Variants in PCDHGA6 observed in about 807,000 individuals in gnomAD.
The protein encoded by PCDHGA6 is protocadherin gamma-A6.
A neutral mutation model predicts 60.6 loss-of-function variants in PCDHGA6; 41 were observed. The observed-to-expected ratio is 0.68, with a 90% CI of 0.53 to 0.88. The LOEUF (loss-of-function observed/expected upper bound fraction) is 0.88, where lower values mean the gene tolerates loss of function less well. Among genes scored for constraint, PCDHGA6 ranks in the 40% least tolerant of loss-of-function variants. The pLI, the probability that PCDHGA6 is intolerant of heterozygous loss-of-function variation, is 0.00. For missense variants in PCDHGA6, 1,312 were observed against 1,203.0 expected (o/e 1.09, Z -1.34); for synonymous variants, 594 against 524.4 (o/e 1.13, Z -1.81).
chr5:141,433,374 T>A (rs948922353), intron 1 of PCDHGA6, among the ~76,000 whole-genome samples: 36 of 150,958 alleles, frequency 2.4e-4, no homozygotes, highest in African/African-American at 8.6e-4. Flanking sequence ...TATCTATCTA[T>A]CTATCTATCT....
At chr5:141,401,296 C>A (rs2094138441) in intron 1 of PCDHGA6, among the ~76,000 whole-genome samples, 1 of 152,104 alleles carries the variant, frequency 6.6e-6, no homozygotes, top group Non-Finnish European at 1.5e-5. Flanking sequence ...GAGCCGAGAT[C>A]ACTCCATTGC....
chr5:141,413,989 G>C, intron 1 of PCDHGA6: 1 of 1,613,400 alleles, frequency 6.2e-7, no homozygotes, highest in East Asian at 2.2e-5. Context: ...CACAGCCACC[G>C]ACAGGGACGA....
intron 1 of PCDHGA6, chr5:141,415,444 T>A (rs770800491): frequency 1.9e-6 from 3 of 1,614,184 alleles, no homozygotes; most frequent in Non-Finnish European, 2.5e-6. Context: ...CCTGCAGACC[T>A]ATTCCCACGA....
rs200491568 is a variant in PCDHGA6, at chr5:141,493,146, G to A, written c.2425-1661G>A. 9.6e-6 allele frequency among the ~76,000 whole-genome samples: 1 copy of A among 104,172 alleles called. No homozygotes were observed. The highest frequency in any genetic ancestry group is 3.1e-5 in the African/African-American group (1 of 32,680). 68.3% of individuals were successfully genotyped at this position (104,172 alleles called of 152,430 possible). A position where few individuals can be genotyped will look rare whatever the true frequency, so the allele number is the denominator to read the frequency against. On this transcript the variant is annotated intron_variant, in intron 1 of 3. Transcript: ENST00000517434. The surrounding 1 kb of genome is among the most constrained non-coding windows in gnomAD (Gnocchi z 4.3). ...AGGACTGTATTTTGAAACACCCCCA[G>A]GTGATTTTGATAGCTGATTGAGAGA... is the stretch of plus-strand genomic sequence containing the variant.
intron 1 of PCDHGA6, among the ~76,000 whole-genome samples, chr5:141,386,783 C>A (rs1254282500): frequency 6.6e-6 from 1 of 152,150 alleles, no homozygotes; most frequent in Non-Finnish European, 1.5e-5. Context: ...AAAAGAAAAT[C>A]TCCTGACCAA....
In PCDHGA6 at chr5:141,489,184, G is replaced by T; in HGVS notation, c.2425-5623G>T. ...TCAGCTGCTGCATTCCAAGCCCTGG[G>T]TCTACCTTGGAGACAGGACAGCACA... On this transcript the variant is annotated intron_variant, in intron 1 of 3. Transcript: ENST00000517434. This position sits in a 1 kb window ranked among gnomAD's most constrained non-coding sequence, Gnocchi z 4.5. 7.8e-7 allele frequency: 1 copy of T among 1,287,330 alleles called. No homozygotes were observed. Among genetic ancestry groups the T allele is most frequent in the Non-Finnish European group, 1.1e-6 (1 of 928,816 alleles). 79.7% of individuals were successfully genotyped at this position (1,287,330 alleles called of 1,614,324 possible).
chr5:141,415,507 A>G, intron 1 of PCDHGA6: 1 of 1,614,156 alleles, frequency 6.2e-7, no homozygotes, highest in Admixed American at 1.7e-5. Context: ...CCCCCAGCCC[A>G]ATTATGCGGA....
At position 141,393,888 on chromosome 5, in the gene PCDHGA6, A is replaced by T. The variant is rs371905513; in HGVS notation, c.2424+17381A>T. 2.5e-6 allele frequency: 4 copies of T among 1,613,898 alleles called. No homozygotes were observed. The highest frequency in any genetic ancestry group is 1.3e-5 in the African/African-American group (1 of 74,932). On this transcript the variant is annotated intron_variant, in intron 1 of 3. Transcript: ENST00000517434. ...GTCTTTGTTTAGCCCAGTGTTAGAAAATTCTCTTCCCGGGACAGTAATTGC... is the reference window on the plus strand; with the variant it reads ...GTCTTTGTTTAGCCCAGTGTTAGAATATTCTCTTCCCGGGACAGTAATTGC...
In PCDHGA6 at chr5:141,375,705, C is replaced by T; in HGVS notation, c.1622C>T (p.Pro541Leu). 7 of 1,614,280 alleles carry T rather than the reference C, an allele frequency of 4.3e-6. No individual in the cohort carries two copies. The highest frequency in any genetic ancestry group is 5.9e-6 in the Non-Finnish European group (7 of 1,180,048). ...WVTASDSGDP[P>L]LSSNVSLSLF... ...ACAGCCAGCGACAGCGGGGACCCGCCTCTTAGCAGCAACGTGTCACTGAGC... is the reference window on the plus strand; with the variant it reads ...ACAGCCAGCGACAGCGGGGACCCGCTTCTTAGCAGCAACGTGTCACTGAGC... The change falls in exon 1 of 4, where the codon CCT becomes CTT. Residue 541 changes from proline (P) to leucine (L), a missense_variant. Physicochemically the swap from Pro to Leu is moderately conservative, Grantham distance 98. Transcript: ENST00000517434.
At chr5:141,385,005 C>T in intron 1 of PCDHGA6, 1 of 1,614,138 alleles carries the variant, frequency 6.2e-7, no homozygotes, top group Non-Finnish European at 8.5e-7. Flanking sequence ...CAGTCTCCTG[C>T]GTCTTCCTAG....
intron 1 of PCDHGA6, chr5:141,390,167 G>A: frequency 6.2e-7 from 1 of 1,614,028 alleles, no homozygotes; most frequent in Non-Finnish European, 8.5e-7. Context: ...GAAAGACGGA[G>A]TTTAATTTCC....
chr5:141,388,913 A>C, intron 1 of PCDHGA6: 1 of 1,614,040 alleles, frequency 6.2e-7, no homozygotes, highest in Non-Finnish European at 8.5e-7. Flanking sequence ...ACAACGCCCC[A>C]GAAGTGATAT....
intron 1 of PCDHGA6, chr5:141,416,504 C>G (rs966090979): frequency 1.3e-5 from 2 of 152,040 alleles, no homozygotes; most frequent in African/African-American, 4.8e-5. Flanking sequence ...AGATATATGA[C>G]AAAGCTATTT....
intron 1 of PCDHGA6, among the ~76,000 whole-genome samples, chr5:141,397,021 AC>A (rs1313075505): frequency 6.6e-6 from 1 of 152,234 alleles, no homozygotes; most frequent in Non-Finnish European, 1.5e-5. Context: ...AAGAAGGTTG[AC>A]CAATGTCCAC....
Position 141,376,466 on chromosome 5 carries a change from C to G in PCDHGA6, c.2383C>G (p.Gln795Glu). Residue 795 changes from glutamine to glutamate, a missense_variant, in exon 1 of 4, where the codon CAG becomes GAG. By Grantham distance (29) the Gln-to-Glu change is conservative. Transcript: ENST00000517434. ...GAAAAGCGAGCCTCTTCTGATAACT[C>G]AGGATTTACTTGAAACGAAAGGAGA... is the stretch of plus-strand genomic sequence containing the variant. ...YEKSEPLLIT[Q>E]DLLETKGEPR... is the part of the protein sequence containing the mutation. 1.9e-6 allele frequency: 3 copies of G among 1,614,200 alleles called. No individual in the cohort carries two copies. Among genetic ancestry groups the G allele is most frequent in the Non-Finnish European group, 2.5e-6 (3 of 1,180,030 alleles).
intron 1 of PCDHGA6, chr5:141,409,656 G>A: frequency 6.2e-7 from 1 of 1,613,618 alleles, no homozygotes; most frequent in South Asian, 1.1e-5. Context: ...GGGCTCAATG[G>A]CCACATCTCC....
chr5:141,400,611 G>T (rs555600694), intron 1 of PCDHGA6: 1 of 1,573,002 alleles, frequency 6.4e-7, no homozygotes, highest in South Asian at 1.1e-5. Context: ...CAAGTCCAAT[G>T]AGTTGTCTTA....
chr5:141,426,722 T>G (rs1022367359), intron 1 of PCDHGA6: 1 of 447,734 alleles, frequency 2.2e-6, no homozygotes, highest in Non-Finnish European at 4.6e-6. Context: ...AACTAGCAAT[T>G]CCAGGCATTC....
At chr5:141,394,743 G>A (rs928437652) in intron 1 of PCDHGA6, 4 of 1,613,314 alleles carry the variant, frequency 2.5e-6, no homozygotes, top group Non-Finnish European at 3.4e-6. Flanking sequence ...GAGCCTCGTG[G>A]TGGCCGTCCA....
Sources: allele counts gnomAD v4.1 joint callset (sites outside exome capture counted in the v4.1 genomes callset), GRCh38; gene constraint gnomAD v4.1.1; non-coding constraint Gnocchi (gnomAD v3.1); transcripts MANE v1.5; gene names NCBI Gene and HGNC (gene_info 2026-07-23, HGNC 2026-07-21).